TTC39B: variants seen among roughly 807,000 people sequenced by gnomAD.
TTC39B encodes tetratricopeptide repeat protein 39B.
TTC39B carries 92 observed loss-of-function variants against 96.6 expected under a neutral mutation model. The observed-to-expected ratio is 0.95, with a 90% CI of 0.80 to 1.13. The LOEUF (loss-of-function observed/expected upper bound fraction) is 1.13, where lower values mean the gene tolerates loss of function less well. Ranked by LOEUF, TTC39B falls within the 50% of genes most tolerant of loss-of-function variation. The probability of loss-of-function intolerance (pLI) is 0.00; values close to 1 mark genes in which losing one functional copy is unlikely to be tolerated. For missense variants in TTC39B, 955 were observed against 809.3 expected (o/e 1.18, Z -2.18); for synonymous variants, 367 against 299.4 (o/e 1.23, Z -2.33).
chr9:15,218,635 A>AAAAAAAAAAAAATATATATATATAT (rs374054306), intron 3 of TTC39B, among the ~76,000 whole-genome samples: 2 of 149,448 alleles, frequency 1.3e-5, no homozygotes, highest in African/African-American at 4.9e-5. Context: ...GTCTATTTTA[A>AAAAAAAAAAAAATATATATATATAT]ATATATATAT....
In TTC39B at chr9:15,203,894, C is replaced by CA; in HGVS notation, c.692-5dup. The CA allele has an allele frequency of 2.5e-6, 4 of 1,610,996 alleles. No individual in the cohort carries two copies. Among genetic ancestry groups the CA allele is most frequent in the Non-Finnish European group, 2.5e-6 (3 of 1,178,500 alleles). Reference sequence around the variant, plus strand: ...CAGATTTCAGCATGCATTTCCTCTACAAAAAACAAATAAAATTATATTAAG... The same window carrying CA: ...CAGATTTCAGCATGCATTTCCTCTACAAAAAAACAAATAAAATTATATTAAG... On this transcript the variant is annotated splice_region_variant and splice_polypyrimidine_tract_variant and intron_variant, in intron 6 of 19. Transcript: ENST00000512701.
At position 15,211,942 on chromosome 9, in the gene TTC39B, T is replaced by C. The variant is rs117561764; in HGVS notation, c.483-545A>G. On this transcript the variant is annotated intron_variant, in intron 4 of 19. Coordinates refer to ENST00000512701, the Ensembl canonical transcript of TTC39B. ...TCTAGTCTAATCCCATTATCTGAAG[T>C]TCCTGATTAAAGTTCTTGATATTTC... Among the ~76,000 whole-genome samples, 22 of 152,332 alleles carry C rather than the reference T, an allele frequency of 1.4e-4. No homozygotes were observed. In the East Asian group the frequency reaches 3.9e-3, roughly 27 times the overall value.
At chr9:15,277,688 C>T (rs1248489373) in intron 1 of TTC39B, among the ~76,000 whole-genome samples, 2 of 152,174 alleles carry the variant, frequency 1.3e-5, no homozygotes, top group Non-Finnish European at 2.9e-5. Context: ...CAGATACCAT[C>T]CCTTATTCAA....
In TTC39B at chr9:15,216,783, G is replaced by A. The variant is rs1330558952; in HGVS notation, c.372-2534C>T. On this transcript the variant is annotated intron_variant, in intron 3 of 19. Transcript: ENST00000512701. ...GTGCCAGGTACTCTTCTAGGTTCTGGCGATACAGCAATGAACAAGACACAC... is the reference window on the plus strand; with the variant it reads ...GTGCCAGGTACTCTTCTAGGTTCTGACGATACAGCAATGAACAAGACACAC... Among the ~76,000 whole-genome samples the A allele has an allele frequency of 3.3e-5, 5 of 152,180 alleles. No individual in the cohort carries two copies. In the East Asian group the frequency reaches 9.6e-4, roughly 29 times the overall value.
At chr9:15,212,271 T>C (rs1206121398) in intron 4 of TTC39B, among the ~76,000 whole-genome samples, 1 of 151,922 alleles carries the variant, frequency 6.6e-6, no homozygotes, top group Non-Finnish European at 1.5e-5. Context: ...TCCTGAACAT[T>C]GAGGGCACTA....
At chr9:15,305,195 A>C (rs1824717484) in intron 1 of TTC39B, among the ~76,000 whole-genome samples, 1 of 152,118 alleles carries the variant, frequency 6.6e-6, no homozygotes. Flanking sequence ...TCTACAACAC[A>C]CTACTTCTTA....
chr9:15,187,267 G>A (rs1264061160), intron 14 of TTC39B, among the ~76,000 whole-genome samples: 1 of 152,096 alleles, frequency 6.6e-6, no homozygotes, highest in African/African-American at 2.4e-5. Context: ...GTGAGAAAGT[G>A]GACAGAATGA....
chr9:15,196,225 C>A (rs2131286392), intron 8 of TTC39B, among the ~76,000 whole-genome samples: 1 of 152,344 alleles, frequency 6.6e-6, no homozygotes, highest in African/African-American at 2.4e-5. Flanking sequence ...CCTACTAACA[C>A]AACATCCATT....
At chr9:15,290,429 C>T (rs1022090059) in intron 1 of TTC39B, among the ~76,000 whole-genome samples, 2 of 152,170 alleles carry the variant, frequency 1.3e-5, no homozygotes, top group African/African-American at 4.8e-5. Flanking sequence ...AAATTGCTCA[C>T]AAGGAAATGC....
At chr9:15,195,257 G>A (rs1436676633) in intron 8 of TTC39B, among the ~76,000 whole-genome samples, 1 of 152,158 alleles carries the variant, frequency 6.6e-6, no homozygotes, top group Non-Finnish European at 1.5e-5. Flanking sequence ...GCCTAATCCA[G>A]AACAAGACCC....
chr9:15,242,543 A>C (rs1183993774), intron 2 of TTC39B, among the ~76,000 whole-genome samples: 1 of 152,070 alleles, frequency 6.6e-6, no homozygotes, highest in Non-Finnish European at 1.5e-5. Context: ...TGATCATGTC[A>C]CTACACTCCA....
chr9:15,167,028 ATTTTTTTTTTTT>A (rs549150155), exon 20 of TTC39B: 10 of 11,030 alleles, frequency 9.1e-4, no homozygotes, highest in Admixed American at 2.5e-3. Context: ...ATATATATAT[ATTTTTTTTTTTT>A]TTTTTTTTTT....
chr9:15,271,084 T>G (rs1379757189), intron 1 of TTC39B, among the ~76,000 whole-genome samples: 2 of 152,086 alleles, frequency 1.3e-5, no homozygotes, highest in African/African-American at 4.8e-5. Context: ...CCAAAGCATT[T>G]TATTAATGTC....
chr9:15,303,584 C>T (rs147202885), intron 1 of TTC39B, among the ~76,000 whole-genome samples: 1,635 of 151,772 alleles, frequency 0.011, 13 homozygotes, highest in Non-Finnish European at 0.018. Flanking sequence ...CACTGCGTTA[C>T]GCAGGTTGAA....
At chr9:15,179,590 C>G (rs574716628) in intron 17 of TTC39B, among the ~76,000 whole-genome samples, 1 of 152,254 alleles carries the variant, frequency 6.6e-6, no homozygotes, top group Admixed American at 6.5e-5. Flanking sequence ...CTATCCATTG[C>G]TTTTAATCAC....
intron 2 of TTC39B, among the ~76,000 whole-genome samples, chr9:15,236,360 A>G (rs1030655660): frequency 6.6e-6 from 1 of 152,244 alleles, no homozygotes; most frequent in Non-Finnish European, 1.5e-5. Flanking sequence ...ACTGATATCA[A>G]TACAATTATA....
chr9:15,273,131 T>C (rs1823416795), intron 1 of TTC39B, among the ~76,000 whole-genome samples: 1 of 152,250 alleles, frequency 6.6e-6, no homozygotes, highest in African/African-American at 2.4e-5. Flanking sequence ...AGGTTCTTGA[T>C]GTTCATTTAA....
chr9:15,291,268 T>C (rs1217134178), intron 1 of TTC39B, among the ~76,000 whole-genome samples: 2 of 152,222 alleles, frequency 1.3e-5, no homozygotes, highest in African/African-American at 4.8e-5. Flanking sequence ...TGGGAGGGAA[T>C]TGAATCACCA....
intron 17 of TTC39B, among the ~76,000 whole-genome samples, chr9:15,180,931 A>ATGTC (rs1012625200): frequency 4.6e-5 from 7 of 152,162 alleles, no homozygotes; most frequent in Admixed American, 2.6e-4. Context: ...TAAGTATGGC[A>ATGTC]TGTCTGTCTG....
Sources: gnomAD v4.1 joint callset for allele counts (sites outside exome capture counted in the v4.1 genomes callset) on GRCh38, gnomAD v4.1.1 for gene constraint, MANE v1.5 for transcripts, NCBI Gene and HGNC (gene_info 2026-07-23, HGNC 2026-07-21) for gene names.